Variants in VPS13C observed in about 807,000 individuals in gnomAD.
VPS13C encodes the protein intermembrane lipid transfer protein VPS13C.
Under a neutral mutation model 456.8 loss-of-function variants are expected in VPS13C, and 358 were observed. The ratio of observed to expected loss-of-function variants is 0.78; its 90% confidence interval spans 0.72 to 0.86. The LOEUF is 0.86. VPS13C is among the 40% of genes least tolerant of loss of function. VPS13C has a pLI of 0.00. For synonymous variants in VPS13C, 1,578 were observed against 1,486.7 expected, an observed-to-expected ratio of 1.06 and a Z score of -1.41; for missense variants, 4,818 against 4,385.4, an observed-to-expected ratio of 1.10 and a Z score of -2.79.
chr15:62,037,834 G>C (rs2048116441), intron 3 of VPS13C, among the ~76,000 whole-genome samples: 1 of 151,942 alleles, frequency 6.6e-6, no homozygotes, highest in South Asian at 2.1e-4. Context: ...AAACAAAAAA[G>C]ATGACACATG....
intron 43 of VPS13C, 113 bp from the exon 44 acceptor site, chr15:61,946,523 T>A: frequency 4.8e-6 from 3 of 620,634 alleles, no homozygotes; most frequent in Non-Finnish European, 7.6e-6. Context: ...AATTACTCAT[T>A]ATAAGACACA....
chr15:62,054,638 GA>G (rs925317686), intron 1 of VPS13C, among the ~76,000 whole-genome samples: 1 of 151,874 alleles, frequency 6.6e-6, no homozygotes, highest in Non-Finnish European at 1.5e-5. Context: ...AAACCTAGAT[GA>G]CAGGTTGATA....
Position 61,919,277 on chromosome 15 carries a change from T to G in VPS13C, c.7638+12A>C, listed in dbSNP as rs2043570141. 6.3e-7 allele frequency: 1 copy of G among 1,580,544 alleles called. No homozygotes were observed. Among genetic ancestry groups the G allele is most frequent in the South Asian group, 1.2e-5 (1 of 84,096 alleles). On this transcript the variant is annotated intron_variant, in intron 58 of 84. Coordinates refer to ENST00000644861, the MANE Select transcript of VPS13C (RefSeq NM_020821.3). ...TACACTGAAAGGGATACAATTAACT[T>G]TGAAGTATTACCTGTAGAGGAGAGC...
At chr15:61,998,179 C>A (rs139871149) in intron 16 of VPS13C, among the ~76,000 whole-genome samples, 1,880 of 152,272 alleles carry the variant, frequency 0.012, 22 homozygotes, top group Non-Finnish European at 0.021. Flanking sequence ...TTATACCTTT[C>A]CCTTAGATAT....
At chr15:61,939,372 A>G (rs942381535) in intron 47 of VPS13C, among the ~76,000 whole-genome samples, 8 of 152,188 alleles carry the variant, frequency 5.3e-5, no homozygotes, top group Admixed American at 5.2e-4. Flanking sequence ...TAATATATCC[A>G]CTAGTATATG....
chr15:61,869,421 A>G (rs1417037694), intron 80 of VPS13C, 79 bp downstream of exon 80: 4 of 1,499,388 alleles, frequency 2.7e-6, no homozygotes, highest in Non-Finnish European at 1.8e-6. Flanking sequence ...GAGCAGGCAA[A>G]TAATCTAATC....
intron 54 of VPS13C, 50 bp from the exon 55 acceptor site, chr15:61,922,083 A>G (rs747668208): frequency 1.3e-5 from 20 of 1,565,752 alleles, no homozygotes; most frequent in Admixed American, 3.5e-5. Context: ...CTTTAATTAC[A>G]TATTTCTGTA....
chr15:61,925,690 T>A, intron 52 of VPS13C, 142 bp from the exon 53 acceptor site: 1 of 467,186 alleles, frequency 2.1e-6, no homozygotes, highest in Non-Finnish European at 3.7e-6. Context: ...AAAAATAAAT[T>A]AGCTGAGACT....
chr15:62,047,193 A>G (rs956415550), intron 1 of VPS13C, among the ~76,000 whole-genome samples: 1 of 152,008 alleles, frequency 6.6e-6, no homozygotes, highest in African/African-American at 2.4e-5. Context: ...TGAGAGGCCA[A>G]GGCAGGTGGA....
intron 42 of VPS13C, among the ~76,000 whole-genome samples, chr15:61,947,748 T>G (rs2044655087): frequency 6.6e-6 from 1 of 152,144 alleles, no homozygotes; most frequent in African/African-American, 2.4e-5. Flanking sequence ...TACATATTAT[T>G]TACTATGGCA....
chr15:61,882,642 T>G lies in VPS13C; in HGVS notation c.9578A>C (p.Gln3193Pro). The G allele has an allele frequency of 6.2e-7, 1 of 1,604,070 alleles. No individual in the cohort carries two copies. The highest frequency in any genetic ancestry group is 8.5e-7 in the Non-Finnish European group (1 of 1,175,524). ...CCTTAAACTTCTCTGGTGAGAAGAC[T>G]GCTTAAATTCAATCTGAATTCCTGA... Reference protein sequence around the residue: ...FLSGIQIEFKQSSHQRSLRAR... With the variant: ...FLSGIQIEFKPSSHQRSLRAR... The change falls in exon 69 of 85, where the codon CAG becomes CCG. Residue 3193 changes from glutamine to proline, a missense_variant. Physicochemically the swap from Gln to Pro is moderately conservative, Grantham distance 76. Transcript: ENST00000644861.
chr15:61,869,283 A>G (rs948955908), intron 80 of VPS13C, among the ~76,000 whole-genome samples: 1 of 151,820 alleles, frequency 6.6e-6, no homozygotes, highest in Admixed American at 6.6e-5. Flanking sequence ...ACGCCCAACT[A>G]ATTTTTGTAT....
At position 61,867,047 on chromosome 15, in the gene VPS13C, GATTATA is replaced by G. The variant is rs1821347914; in HGVS notation, c.10863+1606_10863+1611del. ...AGAGGATACTAATTTCAAAAATAAT[GATTATA>G]ATTATTTTTTCTCTAAGATAATAAA... On this transcript the variant is annotated intron_variant, in intron 81 of 84. Transcript: ENST00000644861. The surrounding 1 kb of genome is among the most constrained non-coding windows in gnomAD (Gnocchi z 5.0). 1.1e-6 allele frequency: 1 copy of G among 906,028 alleles called. No individual in the cohort carries two copies. The highest frequency in any genetic ancestry group is 1.8e-5 in the African/African-American group (1 of 55,720). The allele number at this position is 906,028 out of a possible 1,614,324, so 56.1% of individuals were successfully genotyped here.
At chr15:62,052,422 T>G (rs2048651007) in intron 1 of VPS13C, among the ~76,000 whole-genome samples, 1 of 152,060 alleles carries the variant, frequency 6.6e-6, no homozygotes, top group South Asian at 2.1e-4. Context: ...ACGCCTGTAA[T>G]CCCAGCACTT....
Position 61,996,994 on chromosome 15 carries a change from C to CATATATATATATATATATATATAT in VPS13C, c.1353+3569_1353+3570insATATATATATATATATATATATAT, listed in dbSNP as rs956530930. Among the ~76,000 whole-genome samples, 147 of 142,328 alleles carry CATATATATATATATATATATATAT rather than the reference C, an allele frequency of 1.0e-3. 1 individual carries two copies. Among genetic ancestry groups the CATATATATATATATATATATATAT allele is most frequent in the African/African-American group, 4.0e-3 (143 of 36,004 alleles). The allele number at this position is 142,328 out of a possible 152,430, so 93.4% of individuals were successfully genotyped here. A position where few individuals can be genotyped will look rare whatever the true frequency, so the allele number is the denominator to read the frequency against. Reference sequence around the variant, plus strand: ...CATCCTTGCCTATATATTTTACATACATACATATATATATATATGTATAGA... The same window carrying CATATATATATATATATATATATAT: ...CATCCTTGCCTATATATTTTACATACATATATATATATATATATATATATATACATATATATATATATGTATAGA... On this transcript the variant is annotated intron_variant, in intron 16 of 84. Coordinates refer to ENST00000644861, the MANE Select transcript of VPS13C (RefSeq NM_020821.3).
chr15:61,906,389 C>T lies in VPS13C; in HGVS notation c.9105+875G>A, dbSNP rs141281769. 2.0e-3 allele frequency among the ~76,000 whole-genome samples: 298 copies of T among 152,300 alleles called. 1 individual carries two copies. Among genetic ancestry groups the T allele is most frequent in the Non-Finnish European group, 3.1e-3 (210 of 68,018 alleles). ...CTGAAATCCCTGACCATGCTGTGAA[C>T]AGAATTCTTCCCGGATCTCCTTCTA... On this transcript the variant is annotated intron_variant, in intron 66 of 84. Transcript: ENST00000644861.
rs375560013 is a variant in VPS13C, at chr15:61,863,524, T to C, written c.10868A>G (p.His3623Arg). 1 of 1,612,286 alleles carries C rather than the reference T, an allele frequency of 6.2e-7. No homozygotes were observed. The highest frequency in any genetic ancestry group is 1.7e-4 in the Middle Eastern group (1 of 6,050). ...AGTCTCTCCTTCCAACTTTTTGATA[T>C]GATTCTGAAAAGGAAACCAGGCTCT... ...ESEGSDLLEN[H>R]IKKLEGETYR... Residue 3623 changes from histidine to arginine, a missense_variant, in exon 82 of 85, where the codon CAT becomes CGT. Coordinates refer to ENST00000644861, the MANE Select transcript of VPS13C (RefSeq NM_020821.3).
At chr15:61,989,401 GA>G (rs371158076) in intron 18 of VPS13C, among the ~76,000 whole-genome samples, 3 of 145,688 alleles carry the variant, frequency 2.1e-5, no homozygotes, top group East Asian at 4.0e-4. Context: ...TGTCTCAAAA[GA>G]AAAAAAAAAC....
intron 82 of VPS13C, chr15:61,856,626 T>G: frequency 2.8e-6 from 1 of 361,682 alleles, no homozygotes. Flanking sequence ...GACTCAAAAA[T>G]TCCCCTTCTG....
Sources: gnomAD v4.1 joint callset for allele counts (sites outside exome capture counted in the v4.1 genomes callset) on GRCh38, gnomAD v4.1.1 for gene constraint, Gnocchi (gnomAD v3.1) non-coding constraint, MANE v1.5 for transcripts, NCBI Gene and HGNC (gene_info 2026-07-23, HGNC 2026-07-21) for gene names.